Variants in TMC7 observed in about 807,000 individuals in gnomAD.
The protein encoded by TMC7 is transmembrane channel-like protein 7.
A neutral mutation model predicts 82.9 loss-of-function variants in TMC7; 54 were observed. The observed-to-expected ratio is 0.65, with a 90% CI of 0.52 to 0.82. TMC7 has a LOEUF of 0.82. Among genes scored for constraint, TMC7 ranks in the 40% least tolerant of loss-of-function variants. TMC7 has a pLI of 0.00. For synonymous variants in TMC7, 350 were observed against 337.9 expected, an observed-to-expected ratio of 1.04 and a Z score of -0.39; for missense variants, 820 against 901.2, an observed-to-expected ratio of 0.91 and a Z score of 1.15.
chr16:19,015,940 A>G (rs4426336), intron 2 of TMC7, among the ~76,000 whole-genome samples: 132,597 of 152,156 alleles, frequency 0.87, 59,105 homozygotes, highest in Non-Finnish European at 0.96. Context: ...GAGTGGAACT[A>G]CATGGCACAT....
At chr16:18,995,052 G>T (rs1415301803) in intron 1 of TMC7, among the ~76,000 whole-genome samples, 1 of 152,082 alleles carries the variant, frequency 6.6e-6, no homozygotes, top group Non-Finnish European at 1.5e-5. Flanking sequence ...AATGAGGTGT[G>T]GCTGTAGCCC....
intron 2 of TMC7, among the ~76,000 whole-genome samples, chr16:19,014,390 T>C (rs1959568178): frequency 6.6e-6 from 1 of 152,070 alleles, no homozygotes; most frequent in Non-Finnish European, 1.5e-5. Context: ...GATCTAAGGG[T>C]AGGTACTTTA....
intron 1 of TMC7, among the ~76,000 whole-genome samples, chr16:18,992,917 A>G (rs987704536): frequency 3.6e-4 from 55 of 152,058 alleles, no homozygotes; most frequent in African/African-American, 1.3e-3. Flanking sequence ...TAGATGTGTG[A>G]TATTATTTCT....
At chr16:19,059,875 G>A (rs929324500) in intron 15 of TMC7, 8 of 504,180 alleles carry the variant, frequency 1.6e-5, no homozygotes, top group Admixed American at 9.8e-5. Flanking sequence ...TACTTGGGAG[G>A]CTGAGGCAGG....
intron 1 of TMC7, among the ~76,000 whole-genome samples, chr16:19,001,758 T>C (rs909936417): frequency 1.3e-5 from 2 of 152,174 alleles, no homozygotes; most frequent in South Asian, 2.1e-4. Context: ...AGGAGCTATG[T>C]GGTGTTTGAA....
chr16:19,061,444 C>T (rs897894140), intron 15 of TMC7, among the ~76,000 whole-genome samples: 2 of 149,960 alleles, frequency 1.3e-5, no homozygotes, highest in African/African-American at 2.5e-5. Flanking sequence ...CCACCTCACC[C>T]GGCCTAATTT....
intron 13 of TMC7, among the ~76,000 whole-genome samples, chr16:19,056,330 C>T (rs947304775): frequency 6.6e-6 from 1 of 152,060 alleles, no homozygotes; most frequent in Non-Finnish European, 1.5e-5. Context: ...AGGTGATCCA[C>T]CCGCCTCGGC....
chr16:19,006,095 C>T (rs2039234993), intron 1 of TMC7, among the ~76,000 whole-genome samples: 1 of 152,230 alleles, frequency 6.6e-6, no homozygotes, highest in Non-Finnish European at 1.5e-5. Context: ...TCTGTGTGTG[C>T]CGAGCACTGC....
intron 5 of TMC7, 93 bp from the exon 6 acceptor site, chr16:19,030,131 A>G (rs1471640175): frequency 2.3e-6 from 3 of 1,320,768 alleles, no homozygotes; most frequent in African/African-American, 1.5e-5. Flanking sequence ...GAAAGGGGAC[A>G]CTGGAACTTG....
Position 19,040,376 on chromosome 16 carries a change from A to G in TMC7, c.1267A>G (p.Met423Val), listed in dbSNP as rs200081538. Residue 423 changes from methionine to valine, a missense_variant, in exon 9 of 16, where the codon ATG becomes GTG. By Grantham distance (21) the Met-to-Val change is conservative. This residue lies in a region of TMC7 where 650 missense variants were observed against 669.9 expected (regional missense o/e 0.97). Transcript: ENST00000304381. The stretch of plus-strand genomic sequence containing the variant: ...CACGCTGGCCAATTTTATCACCCCA[A>G]TGATCTTTGCCAAGATCATCCGCTA... ...VITLANFITP[M>V]IFAKIIRYED... 218 of 1,613,892 alleles carry G rather than the reference A, an allele frequency of 1.4e-4. No individual in the cohort carries two copies. The highest frequency in any genetic ancestry group is 1.7e-4 in the Admixed American group (10 of 59,988).
In TMC7 at chr16:19,063,898, G is replaced by T. The variant is rs1962114059; in HGVS notation, c.*2055G>T. On this transcript the variant is annotated 3_prime_UTR_variant, in exon 16 of 16. Transcript: ENST00000304381. ...TAAAGTGCAGCTCTCTCTAACAAAT[G>T]TGCCTTACAACTCCTGATTAAACGG... The T allele has an allele frequency of 6.6e-6, 1 of 152,108 alleles. No homozygotes were observed. The highest frequency in any genetic ancestry group is 1.5e-5 in the Non-Finnish European group (1 of 68,038). 9.4% of individuals were successfully genotyped at this position (152,108 alleles called of 1,614,324 possible).
At chr16:19,018,554 C>T (rs1959817891) in intron 3 of TMC7, among the ~76,000 whole-genome samples, 1 of 152,136 alleles carries the variant, frequency 6.6e-6, no homozygotes. Context: ...AATACCATGA[C>T]ACTGGGTGTT....
chr16:18,999,597 T>G (rs2142142967), intron 1 of TMC7, among the ~76,000 whole-genome samples: 1 of 152,304 alleles, frequency 6.6e-6, no homozygotes, highest in East Asian at 1.9e-4. Flanking sequence ...AGTTGCTCAG[T>G]AAATGTTTCT....
At chr16:18,991,646 T>A (rs1156956257) in intron 1 of TMC7, among the ~76,000 whole-genome samples, 1 of 152,178 alleles carries the variant, frequency 6.6e-6, no homozygotes, top group Non-Finnish European at 1.5e-5. Context: ...GCAGGTTTGT[T>A]ACATATGTAT....
chr16:19,026,605 C>T (rs1286534291), intron 5 of TMC7, among the ~76,000 whole-genome samples: 2 of 152,020 alleles, frequency 1.3e-5, no homozygotes, highest in Non-Finnish European at 2.9e-5. Context: ...CACACTGTAA[C>T]CTTCTTCCTG....
At chr16:19,009,858 G>A (rs1446362499) in intron 2 of TMC7, among the ~76,000 whole-genome samples, 3 of 149,536 alleles carry the variant, frequency 2.0e-5, no homozygotes, top group Admixed American at 6.7e-5. Context: ...GGGGAATGGC[G>A]TGAACCCGGG....
At position 19,063,178 on chromosome 16, in the gene TMC7, A is replaced by C; in HGVS notation, c.*1335A>C. On this transcript the variant is annotated 3_prime_UTR_variant, in exon 16 of 16. Transcript: ENST00000304381. ...TAATAACTACAGTCATACCACCCTG[A>C]AAATGCCTGATCTCGTCTAAATCTA... The C allele has an allele frequency of 6.6e-6, 1 of 152,184 alleles. No individual in the cohort carries two copies. Among genetic ancestry groups the C allele is most frequent in the Non-Finnish European group, 1.5e-5 (1 of 68,036 alleles). 9.4% of individuals were successfully genotyped at this position (152,184 alleles called of 1,614,324 possible). A position where few individuals can be genotyped will look rare whatever the true frequency, so the allele number is the denominator to read the frequency against.
intron 1 of TMC7, among the ~76,000 whole-genome samples, chr16:18,984,857 G>A (rs1197225054): frequency 6.6e-6 from 1 of 152,216 alleles, no homozygotes; most frequent in Non-Finnish European, 1.5e-5. Flanking sequence ...AGGGTTCCTT[G>A]TAGCATTTGG....
At chr16:19,013,109 C>T (rs1959470180) in intron 2 of TMC7, among the ~76,000 whole-genome samples, 1 of 150,120 alleles carries the variant, frequency 6.7e-6, no homozygotes, top group Non-Finnish European at 1.5e-5. Flanking sequence ...AGCCACCGCA[C>T]CGGGCCAGGA....
Sources: gnomAD v4.1 joint callset for allele counts (sites outside exome capture counted in the v4.1 genomes callset) on GRCh38, gnomAD v4.1.1 for gene constraint, gnomAD v4.1.1 regional missense constraint, MANE v1.5 for transcripts, NCBI Gene and HGNC (gene_info 2026-07-23, HGNC 2026-07-21) for gene names.